EIPR1: variants seen among roughly 807,000 people sequenced by gnomAD.
The protein encoded by EIPR1 is EARP and GARP complex-interacting protein 1.
A neutral mutation model predicts 48.1 loss-of-function variants in EIPR1; 25 were observed. The observed-to-expected ratio is 0.52, with a 90% CI of 0.38 to 0.73. The LOEUF is 0.73. Among genes scored for constraint, EIPR1 ranks in the 30% least tolerant of loss-of-function variants. EIPR1 has a pLI of 0.00. For missense variants in EIPR1, 415 were observed against 506.2 expected (o/e 0.82, Z 1.73); for synonymous variants, 204 against 201.9 (o/e 1.01, Z -0.09).
intron 3 of EIPR1, among the ~76,000 whole-genome samples, chr2:3,270,567 TG>T (rs112616766): frequency 6.2e-4 from 95 of 152,358 alleles, no homozygotes; most frequent in African/African-American, 2.3e-3. Context: ...ATTAATTTTT[TG>T]GTTTCCTAGT....
At chr2:3,287,731 CGCTCTAGAAAGCTCATTCACTAT>C (rs1558275152) in intron 3 of EIPR1, among the ~76,000 whole-genome samples, 9 of 150,892 alleles carry the variant, frequency 6.0e-5, no homozygotes, top group African/African-American at 2.2e-4. Flanking sequence ...TCGTTCACCA[CGCTCTAGAAAGCTCATTCACTAT>C]GCTCCAGAAA....
At chr2:3,243,099 T>A (rs1310150930) in intron 4 of EIPR1, among the ~76,000 whole-genome samples, 3 of 152,194 alleles carry the variant, frequency 2.0e-5, no homozygotes, top group Admixed American at 2.0e-4. Context: ...TTATTAAAAG[T>A]CTGTGTTTAC....
At chr2:3,372,061 A>G (rs1261562674) in intron 1 of EIPR1, among the ~76,000 whole-genome samples, 1 of 151,766 alleles carries the variant, frequency 6.6e-6, no homozygotes, top group African/African-American at 2.4e-5. Context: ...TCAAACTAGA[A>G]CTCAGGATTA....
chr2:3,192,746 G>T (rs1298951482), intron 7 of EIPR1, among the ~76,000 whole-genome samples, 165 bp from the exon 8 acceptor site: 1 of 152,208 alleles, frequency 6.6e-6, no homozygotes, highest in African/African-American at 2.4e-5. Flanking sequence ...TTTCCGCTGA[G>T]GTTGGGTTTA....
At position 3,359,662 on chromosome 2, in the gene EIPR1, G is replaced by A. The variant is rs1424053091; in HGVS notation, c.43-5029C>T. ...AAATTATTTAATTTGGGCCATTCTG[G>A]TGACAGATCTCCAAGTGTATAATTC... is the stretch of plus-strand genomic sequence containing the variant. On this transcript the variant is annotated intron_variant, in intron 1 of 8. Transcript: ENST00000382125. Among the ~76,000 whole-genome samples, 3 of 152,136 alleles carry A rather than the reference G, an allele frequency of 2.0e-5. No individual in the cohort carries two copies. The South Asian group carries it at 6.2e-4, about 31-fold the overall frequency.
intron 4 of EIPR1, among the ~76,000 whole-genome samples, chr2:3,222,093 A>G (rs1193025314): frequency 6.6e-6 from 1 of 152,208 alleles, no homozygotes; most frequent in Non-Finnish European, 1.5e-5. Context: ...TTGCCTCTAC[A>G]TGCACATCCA....
At chr2:3,205,817 C>T (rs1485679182) in intron 5 of EIPR1, among the ~76,000 whole-genome samples, 1 of 152,164 alleles carries the variant, frequency 6.6e-6, no homozygotes, top group Admixed American at 6.5e-5. Flanking sequence ...CTATAACTCA[C>T]GCACGTGACA....
At position 3,192,649 on chromosome 2, in the gene EIPR1, C is replaced by T. The variant is rs150217251; in HGVS notation, c.822-68G>A. ...AGGCAACACCAACAATGGATCACACCGGCTCTGAGGGCCCCACTAGGCTGG... is the reference window on the plus strand; with the variant it reads ...AGGCAACACCAACAATGGATCACACTGGCTCTGAGGGCCCCACTAGGCTGG... On this transcript the variant is annotated intron_variant, in intron 7 of 8. Transcript: ENST00000382125. 549 of 1,538,676 alleles carry T rather than the reference C, an allele frequency of 3.6e-4. 1 individual carries two copies. In the African/African-American group the frequency reaches 6.7e-3, roughly 19 times the overall value.
chr2:3,273,598 T>C (rs1469763789), intron 3 of EIPR1, among the ~76,000 whole-genome samples: 1 of 152,224 alleles, frequency 6.6e-6, no homozygotes, highest in African/African-American at 2.4e-5. Flanking sequence ...ACTGAGAACC[T>C]GAAAACTGCA....
chr2:3,340,869 G>T (rs918385575), intron 2 of EIPR1, among the ~76,000 whole-genome samples: 15 of 152,118 alleles, frequency 9.9e-5, no homozygotes, highest in African/African-American at 3.6e-4. Flanking sequence ...AGCCAAGATG[G>T]GTAGATCACC....
chr2:3,247,772 T>C (rs1054079627), intron 4 of EIPR1, among the ~76,000 whole-genome samples: 3 of 152,238 alleles, frequency 2.0e-5, no homozygotes, highest in South Asian at 2.1e-4. Context: ...AGAATAACCA[T>C]ATACAATATT....
intron 3 of EIPR1, among the ~76,000 whole-genome samples, chr2:3,328,640 C>T (rs1412519656): frequency 2.0e-5 from 3 of 148,452 alleles, no homozygotes; most frequent in East Asian, 2.1e-4. Flanking sequence ...TGGATCAGAG[C>T]CCACCCACCA....
chr2:3,377,743 G>A lies in EIPR1; in HGVS notation c.-54C>T. ...ACTCACACGCTAAGGACCTCGCTAC[G>A]GCCGGCGCGTCCCCACCTCGCGGGC... On this transcript the variant is annotated 5_prime_UTR_variant, in exon 1 of 9. Transcript: ENST00000382125. 1 of 1,548,048 alleles carries A rather than the reference G, an allele frequency of 6.5e-7. No individual in the cohort carries two copies. The highest frequency in any genetic ancestry group is 8.7e-7 in the Non-Finnish European group (1 of 1,144,624).
chr2:3,195,677 T>C (rs1239354057), intron 6 of EIPR1, among the ~76,000 whole-genome samples: 1 of 152,188 alleles, frequency 6.6e-6, no homozygotes, highest in Non-Finnish European at 1.5e-5. Flanking sequence ...TAAAGGTTAC[T>C]GCATGCTCCA....
intron 3 of EIPR1, among the ~76,000 whole-genome samples, chr2:3,282,276 G>C (rs945891494): frequency 6.6e-6 from 1 of 152,226 alleles, no homozygotes; most frequent in Non-Finnish European, 1.5e-5. Context: ...CCTGAAGATG[G>C]ACAGCTCTGC....
rs112211933 is a variant in EIPR1 at position 3,366,780 on chromosome 2, C to T, written c.42+10868G>A. ...GTATTAAAATTTTCAACTGGCCGGG[C>T]GCGGTGGCTCACGCCTGTAATCCCA... On this transcript the variant is annotated intron_variant, in intron 1 of 8. Coordinates refer to ENST00000382125, the MANE Select transcript of EIPR1 (RefSeq NM_003310.5). Among the ~76,000 whole-genome samples, 244 of 152,264 alleles carry T rather than the reference C, an allele frequency of 1.6e-3. 1 individual carries two copies. The highest frequency in any genetic ancestry group is 6.8e-3 in the Middle Eastern group (2 of 294).
At chr2:3,209,539 CCCT>C (rs1323898430) in intron 5 of EIPR1, among the ~76,000 whole-genome samples, 1 of 152,212 alleles carries the variant, frequency 6.6e-6, no homozygotes, top group Non-Finnish European at 1.5e-5. Flanking sequence ...GCGATCAGCC[CCCT>C]GAGGAGAAAG....
In EIPR1 at chr2:3,377,789, T is replaced by TC; in HGVS notation, c.-101_-100insG. The TC allele has an allele frequency of 7.2e-7, 1 of 1,398,334 alleles. No homozygotes were observed. Among genetic ancestry groups the TC allele is most frequent in the Non-Finnish European group, 9.8e-7 (1 of 1,019,288 alleles). 86.6% of individuals were successfully genotyped at this position (1,398,334 alleles called of 1,614,324 possible). ...CGGGCGTGTTCCCAGCGCCCATTCA[T>TC]TCCCTCCCCGCAGCAAACGACTCCA... On this transcript the variant is annotated 5_prime_UTR_variant, in exon 1 of 9. Transcript: ENST00000382125.
intron 5 of EIPR1, among the ~76,000 whole-genome samples, chr2:3,201,172 G>A (rs1326200613): frequency 1.3e-5 from 2 of 152,136 alleles, no homozygotes; most frequent in East Asian, 1.9e-4. Flanking sequence ...CCTGGCTCCC[G>A]TATGTGCACA....
Sources: allele counts gnomAD v4.1 joint callset (sites outside exome capture counted in the v4.1 genomes callset), GRCh38; gene constraint gnomAD v4.1.1; transcripts MANE v1.5; gene names NCBI Gene and HGNC (gene_info 2026-07-23, HGNC 2026-07-21).